Variants in MFSD8 observed in about 807,000 individuals in gnomAD.
The protein encoded by MFSD8 is major facilitator superfamily domain containing 8, also known as major facilitator superfamily domain-containing protein 8.
MFSD8 carries 55 observed loss-of-function variants against 66.4 expected under a neutral mutation model. The ratio of observed to expected loss-of-function variants is 0.83; its 90% CI spans 0.67 to 1.04. The LOEUF is 1.04. MFSD8 is among the 50% of genes least tolerant of loss of function. The pLI is 0.00. For missense variants in MFSD8, 550 were observed against 627.6 expected, an observed-to-expected ratio of 0.88 and a Z score of 1.32; for synonymous variants, 202 against 212.8, an observed-to-expected ratio of 0.95 and a Z score of 0.44.
At chr4:127,962,315 A>T (rs999655462) in intron 1 of MFSD8, among the ~76,000 whole-genome samples, 10 of 152,038 alleles carry the variant, frequency 6.6e-5, no homozygotes, top group Non-Finnish European at 1.3e-4. Context: ...AAAAATACAA[A>T]AATTAGCCGT....
intron 7 of MFSD8, among the ~76,000 whole-genome samples, chr4:127,936,557 C>A (rs1263714655): frequency 6.6e-6 from 1 of 151,734 alleles, no homozygotes; most frequent in Non-Finnish European, 1.5e-5. Context: ...AAGATCCTGT[C>A]TCTATTAAAG....
intron 3 of MFSD8, among the ~76,000 whole-genome samples, chr4:127,945,001 T>C (rs1264844239): frequency 6.6e-6 from 1 of 152,108 alleles, no homozygotes; most frequent in East Asian, 1.9e-4. Flanking sequence ...CCAGATTACT[T>C]TTTTTCATAT....
At chr4:127,951,789 C>T (rs868410079) in intron 2 of MFSD8, among the ~76,000 whole-genome samples, 9 of 147,708 alleles carry the variant, frequency 6.1e-5, no homozygotes, top group African/African-American at 2.3e-4. Context: ...AGTGCAGTGG[C>T]GCAATCTCGG....
In MFSD8 at chr4:127,965,118, T is replaced by G. The variant is rs777004095; in HGVS notation, c.16A>C (p.Asn6His). The G allele has an allele frequency of 9.9e-6, 16 of 1,613,818 alleles. No homozygotes were observed. The highest frequency in any genetic ancestry group is 1.2e-5 in the Non-Finnish European group (14 of 1,180,044). The change falls in exon 1 of 12, where the codon AAC becomes CAC. Residue 6 changes from asparagine (N) to histidine (H), a missense_variant. Transcript: ENST00000641686. MAGLRNESEQEPLLGD... is the reference protein window; with the variant it reads MAGLRHESEQEPLLGD... ...AAGAGCGGCTCCTGTTCACTTTCGT[T>G]CCGCAGGCCGGCCATAGTTACACTC...
intron 1 of MFSD8, 154 bp downstream of exon 1, chr4:127,964,918 G>GA: frequency 2.3e-6 from 2 of 873,264 alleles, no homozygotes; most frequent in Non-Finnish European, 3.7e-6. Context: ...CGTTGGGAGC[G>GA]AATCTCCTCG....
intron 9 of MFSD8, among the ~76,000 whole-genome samples, chr4:127,925,040 C>T (rs1019537616): frequency 2.2e-4 from 33 of 152,088 alleles, no homozygotes; most frequent in Admixed American, 5.2e-4. Context: ...GCTAGCCATA[C>T]GCAGAAAACT....
At chr4:127,965,353 G>C (rs940163430), upstream of MFSD8, 8 of 622,404 alleles carry the variant, frequency 1.3e-5, no homozygotes, top group African/African-American at 1.3e-4. Context: ...CCCTCGGCAC[G>C]CGCCTCCCAT....
rs1328759297 is a variant in MFSD8, at chr4:127,930,729, C to A, written c.952G>T (p.Val318Phe). 6.2e-7 allele frequency: 1 copy of A among 1,613,550 alleles called. No homozygotes were observed. The highest frequency in any genetic ancestry group is 1.3e-5 in the African/African-American group (1 of 74,964). Residue 318 changes from valine to phenylalanine, a missense_variant, in exon 9 of 12, where the codon GTT (valine) becomes TTT (phenylalanine). By Grantham distance (50) the Val-to-Phe change is conservative. Coordinates refer to ENST00000641686, the MANE Select transcript of MFSD8 (RefSeq NM_001371596.2). ...CCTAAGAAAATAACAACGGCTTCAA[C>A]CCCAAGAGCAGCAAGTATTATGCCA... ...YNGIILAALG[V>F]EAVVIFLGVK...
Position 127,921,926 on chromosome 4 carries a change from C to T in MFSD8, c.1036G>A (p.Val346Ile), listed in dbSNP as rs746209973. ...ERAILLGGLI[V>I]VWVGFFILLP... ...AAGATAAAGAAGCCAACCCATACAA[C>T]GATGAGTCCTCCCAGTAGAATAGCA... The change falls in exon 10 of 12, where the codon GTT (valine) becomes ATT (isoleucine). Residue 346 changes from valine (V) to isoleucine (I), a missense_variant. Val to Ile is a conservative substitution (Grantham distance 29). Coordinates refer to ENST00000641686, the MANE Select transcript of MFSD8 (RefSeq NM_001371596.2). 2.0e-5 allele frequency: 32 copies of T among 1,613,946 alleles called. No individual in the cohort carries two copies. The South Asian group carries it at 2.5e-4, about 13-fold the overall frequency.
chr4:127,927,745 G>A (rs1578826295), intron 9 of MFSD8, among the ~76,000 whole-genome samples: 1 of 151,890 alleles, frequency 6.6e-6, no homozygotes, highest in South Asian at 2.1e-4. Context: ...GGAGTGTAGT[G>A]GTACAATCAC....
At chr4:127,959,808 A>C (rs1743455681) in intron 1 of MFSD8, among the ~76,000 whole-genome samples, 1 of 152,232 alleles carries the variant, frequency 6.6e-6, no homozygotes. Flanking sequence ...TCAATGAAAA[A>C]AATTATCTTT....
intron 9 of MFSD8, among the ~76,000 whole-genome samples, chr4:127,923,753 T>C (rs1736745774): frequency 6.6e-6 from 1 of 151,462 alleles, no homozygotes; most frequent in Non-Finnish European, 1.5e-5. Context: ...CTAATTTTTT[T>C]TGTATTTTTA....
At chr4:127,922,611 C>A (rs1298989390) in intron 9 of MFSD8, among the ~76,000 whole-genome samples, 1 of 149,768 alleles carries the variant, frequency 6.7e-6, no homozygotes, top group African/African-American at 2.5e-5. Flanking sequence ...GGTGACAGAG[C>A]AAGACCCTGT....
rs1209722075 is a variant in MFSD8, at chr4:127,939,935, G to A, written c.616C>T (p.Gln206Ter). ...KGVTWDVIKLQINMYTTPVLL... is the reference protein window; with the variant it reads ...KGVTWDVIKL ...ACTGGTGTTGTATACATGTTTATCT[G>A]CAGTTTAATCACATCCCATGTCACA... Residue 206 changes from glutamine (Q) to a stop codon, truncating the protein, a stop_gained, in exon 6 of 12, where the codon CAG (glutamine) becomes TAG (stop). Coordinates refer to ENST00000641686, the MANE Select transcript of MFSD8 (RefSeq NM_001371596.2). LOFTEE classifies it high-confidence loss of function. 1 of 1,613,446 alleles carries A rather than the reference G, an allele frequency of 6.2e-7. No homozygotes were observed. Among genetic ancestry groups the A allele is most frequent in the Admixed American group, 1.7e-5 (1 of 60,014 alleles).
At chr4:127,964,776 G>T in intron 1 of MFSD8, 1 of 545,870 alleles carries the variant, frequency 1.8e-6, no homozygotes. Context: ...GGGCTGTGAG[G>T]ACTGCCAGCA....
intron 4 of MFSD8, 37 bp from the exon 5 acceptor site, chr4:127,942,195 A>C: frequency 6.8e-7 from 1 of 1,474,402 alleles, no homozygotes; most frequent in East Asian, 2.3e-5. Flanking sequence ...AGTAAAAGAA[A>C]GTATCATTCA....
intron 8 of MFSD8, 118 bp from the exon 9 acceptor site, chr4:127,930,935 A>G: frequency 9.9e-7 from 1 of 1,009,828 alleles, no homozygotes; most frequent in South Asian, 1.8e-5. Flanking sequence ...GCCTTTTAGC[A>G]ATGACAACAG....
At chr4:127,964,999 G>A in intron 1 of MFSD8, 73 bp downstream of exon 1, 1 of 1,554,168 alleles carries the variant, frequency 6.4e-7, no homozygotes, top group Non-Finnish European at 8.8e-7. Context: ...GTCCCAGTGC[G>A]GGTGACGCCC....
intron 3 of MFSD8, among the ~76,000 whole-genome samples, chr4:127,947,391 G>A (rs942386644): frequency 6.6e-6 from 1 of 151,716 alleles, no homozygotes; most frequent in Admixed American, 6.6e-5. Context: ...CAGCCTGGCC[G>A]GTATGGTGAA....
Sources: allele counts gnomAD v4.1 joint callset (sites outside exome capture counted in the v4.1 genomes callset), GRCh38; gene constraint gnomAD v4.1.1; transcripts MANE v1.5; gene names NCBI Gene and HGNC (gene_info 2026-07-23, HGNC 2026-07-21).